The following TNS3 variants were observed in gnomAD, a reference collection of about 807,000 sequenced individuals.
TNS3 encodes the protein tensin-3.
In TNS3, 45 loss-of-function variants were observed where a neutral mutation model predicts 140.9. The ratio of observed to expected loss-of-function variants is 0.32; its 90% CI spans 0.25 to 0.41. The LOEUF is 0.41. Ranked by LOEUF, TNS3 falls within the 10% of genes least tolerant of loss-of-function variation. TNS3 has a pLI of 1.00. For missense variants in TNS3, 1,716 were observed against 1,906.7 expected (o/e 0.90, Z 1.86); for synonymous variants, 815 against 788.4 (o/e 1.03, Z -0.56).
At chr7:47,318,644 A>C (rs952369691) in intron 20 of TNS3, among the ~76,000 whole-genome samples, 3 of 152,154 alleles carry the variant, frequency 2.0e-5, no homozygotes, top group Non-Finnish European at 4.4e-5. Flanking sequence ...AAAAACCCAC[A>C]AACAGAGGAA....
chr7:47,285,911 A>G (rs1416927580), intron 27 of TNS3, among the ~76,000 whole-genome samples: 1 of 152,172 alleles, frequency 6.6e-6, no homozygotes, highest in Non-Finnish European at 1.5e-5. Flanking sequence ...GCATGGAAAG[A>G]CGTCATCAGC....
At chr7:47,341,197 A>T (rs184081182) in intron 20 of TNS3, among the ~76,000 whole-genome samples, 4 of 152,194 alleles carry the variant, frequency 2.6e-5, no homozygotes, top group African/African-American at 9.6e-5. Flanking sequence ...ATTGGTCTGT[A>T]GTTTTCTTTT....
rs1784822350 is a variant in TNS3, at chr7:47,275,177, T to A, written c.*2899A>T. The A allele has an allele frequency of 1.3e-5, 2 of 152,646 alleles. No individual in the cohort carries two copies. The highest frequency in any genetic ancestry group is 2.9e-5 in the Non-Finnish European group (2 of 68,052). 9.5% of individuals were successfully genotyped at this position (152,646 alleles called of 1,614,324 possible). The stretch of plus-strand genomic sequence containing the variant: ...GCTTACCAAGTTCATAATTTTATTA[T>A]ACTCTGAATAGAGATGATATTTAAG... On this transcript the variant is annotated 3_prime_UTR_variant, in exon 31 of 31. Transcript: ENST00000311160.
chr7:47,351,535 G>A (rs1202546670), intron 17 of TNS3, among the ~76,000 whole-genome samples: 1 of 152,126 alleles, frequency 6.6e-6, no homozygotes, highest in African/African-American at 2.4e-5. Context: ...ACTTGAACGT[G>A]AGACTCCACG....
chr7:47,567,030 C>CAAAAAAAAAAAA (rs541987899), intron 1 of TNS3, among the ~76,000 whole-genome samples: 4 of 98,758 alleles, frequency 4.1e-5, no homozygotes, highest in Non-Finnish European at 4.0e-5. Flanking sequence ...GACTCCATCT[C>CAAAAAAAAAAAA]AAAAAAAAAA....
chr7:47,352,020 A>C (rs1423262930), intron 17 of TNS3, among the ~76,000 whole-genome samples: 1 of 151,892 alleles, frequency 6.6e-6, no homozygotes, highest in African/African-American at 2.4e-5. Context: ...TCTTACACAC[A>C]TTTTCTCATA....
chr7:47,582,256 G>A (rs955120035), upstream of TNS3: 1 of 347,810 alleles, frequency 2.9e-6, no homozygotes, highest in African/African-American at 2.2e-5. Context: ...CCCTAACAAT[G>A]CAGCGCGCCT....
chr7:47,302,918 G>C, intron 22 of TNS3, 32 bp downstream of exon 22: 1 of 1,565,848 alleles, frequency 6.4e-7, no homozygotes, highest in Non-Finnish European at 8.7e-7. Context: ...ATGGACAGAG[G>C]GGCCCTTCCA....
chr7:47,415,309 G>A (rs1794018517), intron 10 of TNS3, 103 bp from the exon 11 acceptor site: 1 of 747,954 alleles, frequency 1.3e-6, no homozygotes, highest in Admixed American at 3.1e-5. Flanking sequence ...TGGGGCTCTG[G>A]GAGAGAATCG....
intron 20 of TNS3, among the ~76,000 whole-genome samples, chr7:47,334,762 C>T (rs995730524): frequency 6.6e-6 from 1 of 151,994 alleles, no homozygotes; most frequent in African/African-American, 2.4e-5. Context: ...GCATGCGCCA[C>T]CATGCCCAGC....
chr7:47,517,671 C>T (rs563703313), intron 2 of TNS3, among the ~76,000 whole-genome samples: 1 of 152,172 alleles, frequency 6.6e-6, no homozygotes, highest in Admixed American at 6.5e-5. Context: ...ATTGGGAACA[C>T]AAAAAACATT....
chr7:47,581,729 C>G (rs1784539126), intron 1 of TNS3: 1 of 149,628 alleles, frequency 6.7e-6, no homozygotes, highest in Admixed American at 6.6e-5. Flanking sequence ...TCCTGGGACT[C>G]CTGCCGAGCC....
chr7:47,327,355 ATT>A (rs1009208294), intron 20 of TNS3, among the ~76,000 whole-genome samples: 50 of 152,290 alleles, frequency 3.3e-4, no homozygotes, highest in African/African-American at 1.1e-3. Flanking sequence ...AGTAAATCTC[ATT>A]TTAGAACCCA....
intron 4 of TNS3, among the ~76,000 whole-genome samples, chr7:47,446,316 C>A (rs1464138323): frequency 6.6e-6 from 1 of 152,124 alleles, no homozygotes; most frequent in African/African-American, 2.4e-5. Flanking sequence ...GTTCCACTCT[C>A]TAGGTGTTTT....
intron 1 of TNS3, among the ~76,000 whole-genome samples, chr7:47,535,465 C>G (rs1344107321): frequency 6.6e-6 from 1 of 152,234 alleles, no homozygotes; most frequent in East Asian, 1.9e-4. Context: ...CATAACATCT[C>G]TATTGTGAAA....
chr7:47,481,925 G>A (rs1220003017), intron 3 of TNS3, among the ~76,000 whole-genome samples: 1 of 152,198 alleles, frequency 6.6e-6, no homozygotes, highest in Non-Finnish European at 1.5e-5. Context: ...GAAAACTGCA[G>A]GTAACAATAG....
intron 1 of TNS3, among the ~76,000 whole-genome samples, chr7:47,573,962 G>A (rs1800615854): frequency 6.6e-6 from 1 of 152,100 alleles, no homozygotes; most frequent in Non-Finnish European, 1.5e-5. Context: ...ATTATGGGGA[G>A]GGCATTATGG....
chr7:47,437,233 A>G (rs756392070), intron 7 of TNS3, 30 bp downstream of exon 7: 3 of 1,489,318 alleles, frequency 2.0e-6, no homozygotes, highest in Admixed American at 4.7e-5. Context: ...ATTTTACAAA[A>G]TGCAGAATAT....
chr7:47,447,246 ATATGTT>A (rs1488785237), intron 4 of TNS3, among the ~76,000 whole-genome samples: 1 of 120,810 alleles, frequency 8.3e-6, no homozygotes, highest in Non-Finnish European at 1.8e-5. Context: ...CTGGTTCCAC[ATATGTT>A]TGTTTGTTTG....
Sources: allele counts gnomAD v4.1 joint callset (sites outside exome capture counted in the v4.1 genomes callset), GRCh38; gene constraint gnomAD v4.1.1; transcripts MANE v1.5; gene names NCBI Gene and HGNC (gene_info 2026-07-23, HGNC 2026-07-21).